Variants in GPLD1 observed in about 807,000 individuals in gnomAD.
The protein encoded by GPLD1 is phosphatidylinositol-glycan-specific phospholipase D.
Under a neutral mutation model 112.6 loss-of-function variants are expected in GPLD1, and 84 were observed. That is an observed-to-expected ratio of 0.75 (90% CI 0.63 to 0.89). The LOEUF (loss-of-function observed/expected upper bound fraction) is 0.89, where lower values mean the gene tolerates loss of function less well. Among genes scored for constraint, GPLD1 ranks in the 40% least tolerant of loss-of-function variants. GPLD1 has a pLI of 0.00. For missense variants in GPLD1, 1,044 were observed against 1,051.5 expected (o/e 0.99, Z 0.10); for synonymous variants, 386 against 403.8 (o/e 0.96, Z 0.53).
upstream of GPLD1, among the ~76,000 whole-genome samples, chr6:24,491,793 A>G (rs1764566712): frequency 6.6e-6 from 1 of 152,222 alleles, no homozygotes; most frequent in Non-Finnish European, 1.5e-5. Context: ...TGAGATTCAG[A>G]ATGACATAAA....
chr6:24,450,476 AG>A (rs1435058781), intron 14 of GPLD1, among the ~76,000 whole-genome samples: 2 of 150,728 alleles, frequency 1.3e-5, no homozygotes, highest in Non-Finnish European at 3.0e-5. Context: ...ACTCCAGCCT[AG>A]GCAACACAGC....
chr6:24,445,106 C>T (rs1762863820), intron 20 of GPLD1, among the ~76,000 whole-genome samples: 1 of 152,092 alleles, frequency 6.6e-6, no homozygotes, highest in African/African-American at 2.4e-5. Flanking sequence ...TGGCTTACTG[C>T]AACTTCTGCC....
At position 24,426,993 on chromosome 6, in the gene GPLD1, G is replaced by A. The variant is rs1357434292; in HGVS notation, c.*2039C>T. Among the ~76,000 whole-genome samples, 3 of 152,108 alleles carry A rather than the reference G, an allele frequency of 2.0e-5. No individual in the cohort carries two copies. Among genetic ancestry groups the A allele is most frequent in the Non-Finnish European group, 4.4e-5 (3 of 68,028 alleles). ...TTGTTAACTTTCCACTCTTCAGCTG[G>A]ATTCCTCTTCCTGTCCCCTTTTCAC... On this transcript the variant is annotated 3_prime_UTR_variant, in exon 25 of 25. Transcript: ENST00000230036.
intron 7 of GPLD1, among the ~76,000 whole-genome samples, chr6:24,471,197 T>C (rs1159823236): frequency 2.0e-5 from 3 of 152,164 alleles, no homozygotes; most frequent in Admixed American, 6.5e-5. Flanking sequence ...ATACATAACA[T>C]TTTAATTTAT....
At position 24,476,207 on chromosome 6, in the gene GPLD1, C is replaced by A; in HGVS notation, c.304G>T (p.Glu102Ter). Residue 102 changes from glutamate to a stop codon, truncating the protein, a stop_gained, in exon 4 of 25, where the codon GAG (glutamate) becomes TAG (stop). Coordinates refer to ENST00000230036, the MANE Select transcript of GPLD1 (RefSeq NM_001503.4). LOFTEE classifies it high-confidence loss of function. ...TTCTCCCAGGGAAGGGGATAGTTCT[C>A]TCGGATATAATGAACGCTTGCATTA... ...FLNASVHYIR[E>*]NYPLPWEKDT... is the part of the protein sequence containing the mutation. The A allele has an allele frequency of 6.4e-7, 1 of 1,567,400 alleles. No individual in the cohort carries two copies. Among genetic ancestry groups the A allele is most frequent in the Non-Finnish European group, 8.7e-7 (1 of 1,149,224 alleles).
intron 20 of GPLD1, among the ~76,000 whole-genome samples, chr6:24,441,062 G>A (rs1337298477): frequency 6.6e-6 from 1 of 152,108 alleles, no homozygotes; most frequent in African/African-American, 2.4e-5. Context: ...CAGCACTGTG[G>A]GAGGCCGAGG....
rs1365509011 is a variant in GPLD1 at position 24,446,821 on chromosome 6, C to T, written c.1820+17G>A. The T allele has an allele frequency of 4.3e-6, 7 of 1,611,530 alleles. No individual in the cohort carries two copies. Among genetic ancestry groups the T allele is most frequent in the African/African-American group, 1.3e-5 (1 of 74,854 alleles). On this transcript the variant is annotated intron_variant, in intron 18 of 24. Coordinates refer to ENST00000230036, the MANE Select transcript of GPLD1 (RefSeq NM_001503.4). ...GCCCCTGTGTTCATGGTTCCCAGCC[C>T]CCAGCATCAGCCTCACCTGCTGGCA...
chr6:24,472,623 C>T lies in GPLD1; in HGVS notation c.504G>A (p.Leu168=). The T allele has an allele frequency of 6.3e-7, 1 of 1,589,590 alleles. No individual in the cohort carries two copies. The highest frequency in any genetic ancestry group is 8.6e-7 in the Non-Finnish European group (1 of 1,157,730). ...HSAGDFGGDV[L]SQFEFNFNYL... ...AATTAAAATTAAATTCAAACTGGCT[C>T]AACACATCTCCTCCTAGGGTATGAG... The change falls in exon 7 of 25, where the codon TTG becomes TTA. Residue 168 remains leucine (L), a synonymous_variant. Coordinates refer to ENST00000230036, the MANE Select transcript of GPLD1 (RefSeq NM_001503.4).
intron 3 of GPLD1, 24 bp from the exon 4 acceptor site, chr6:24,476,302 T>C: frequency 8.1e-7 from 1 of 1,228,988 alleles, no homozygotes; most frequent in Non-Finnish European, 1.2e-6. Flanking sequence ...AGCAGGGCTC[T>C]AGATTCTCTC....
chr6:24,489,372 ATGTAT>A, intron 1 of GPLD1, 38 bp downstream of exon 1: 2 of 1,323,656 alleles, frequency 1.5e-6, no homozygotes, highest in African/African-American at 1.4e-5. Flanking sequence ...TCTTTGACAG[ATGTAT>A]TGTCCTCTCA....
At chr6:24,446,630 C>T (rs998356378) in intron 18 of GPLD1, among the ~76,000 whole-genome samples, 4 of 152,214 alleles carry the variant, frequency 2.6e-5, no homozygotes, top group Non-Finnish European at 4.4e-5. Context: ...CGTCTAGCTT[C>T]CAGAACTGTG....
At chr6:24,424,949 C>G (rs891845998), downstream of GPLD1, 1 of 152,048 alleles carries the variant, frequency 6.6e-6, no homozygotes, top group African/African-American at 2.4e-5. Context: ...TTCCCCACTC[C>G]TGTGTGTGGT....
exon 1 of GPLD1, chr6:24,495,057 G>A: frequency 3.0e-6 from 4 of 1,351,578 alleles, no homozygotes; most frequent in Non-Finnish European, 3.8e-6. Context: ...GACGTTTCCA[G>A]GCTGCCGCCT....
Position 24,479,965 on chromosome 6 carries a change from G to C in GPLD1, c.154-6C>G. 1 of 1,589,698 alleles carries C rather than the reference G, an allele frequency of 6.3e-7. No individual in the cohort carries two copies. On this transcript the variant is annotated splice_region_variant and splice_polypyrimidine_tract_variant and intron_variant, in intron 2 of 24. Transcript: ENST00000230036. The stretch of plus-strand genomic sequence containing the variant: ...TCCTGGTGTTCTAGTAACAGCTGCA[G>C]AGCAAGAAAATACAGAGATTAAGGG...
intron 17 of GPLD1, 39 bp from the exon 18 acceptor site, chr6:24,447,018 G>T (rs751836365): frequency 6.3e-7 from 1 of 1,578,290 alleles, no homozygotes; most frequent in East Asian, 2.2e-5. Flanking sequence ...AATACTTTAA[G>T]TGAGAGGACT....
chr6:24,493,583 G>C (rs1285617996), upstream of GPLD1, among the ~76,000 whole-genome samples: 24 of 152,142 alleles, frequency 1.6e-4, no homozygotes. Flanking sequence ...CAGCTCCCCA[G>C]CCCCACCTGT....
chr6:24,462,910 C>T, intron 10 of GPLD1, 115 bp from the exon 11 acceptor site: 1 of 781,592 alleles, frequency 1.3e-6, no homozygotes, highest in Non-Finnish European at 2.2e-6. Context: ...TGTTTATTAC[C>T]TAGCCATACA....
chr6:24,447,946 C>G lies in GPLD1; in HGVS notation c.1609G>C (p.Ala537Pro). ...EPDLVIGSPF[A>P]PGGGKQKGIV... ...CCCTTCTGCTTCCCTCCACCTGGTG[C>G]AAAAGGGGAGCCGATGACCAGATCG... Residue 537 changes from alanine (A) to proline (P), a missense_variant, in exon 17 of 25, where the codon GCA (alanine) becomes CCA (proline). Physicochemically the swap from Ala to Pro is conservative, Grantham distance 27. Transcript: ENST00000230036. 2 of 1,613,896 alleles carry G rather than the reference C, an allele frequency of 1.2e-6. No individual in the cohort carries two copies. The highest frequency in any genetic ancestry group is 1.7e-6 in the Non-Finnish European group (2 of 1,179,970).
intron 20 of GPLD1, among the ~76,000 whole-genome samples, chr6:24,445,275 C>T (rs142960324): frequency 0.013 from 1,947 of 152,250 alleles, 17 homozygotes; most frequent in African/African-American, 0.029. Context: ...GATTCTCTCA[C>T]CTTGGCCTCC....
Sources: gnomAD v4.1 joint callset for allele counts (sites outside exome capture counted in the v4.1 genomes callset) on GRCh38, gnomAD v4.1.1 for gene constraint, MANE v1.5 for transcripts, NCBI Gene and HGNC (gene_info 2026-07-23, HGNC 2026-07-21) for gene names.